The following BRWD3 variants were observed in gnomAD, a reference collection of about 807,000 sequenced individuals.
BRWD3 encodes the protein bromodomain and WD repeat domain containing 3.
BRWD3 carries 10 observed loss-of-function variants against 149.7 expected under a neutral mutation model. That is an observed-to-expected ratio of 0.07 (90% CI 0.04 to 0.11). The LOEUF is 0.11. Among genes scored for constraint, BRWD3 ranks in the 10% least tolerant of loss-of-function variants. The pLI is 1.00. For synonymous variants in BRWD3, 504 were observed against 456.7 expected (o/e 1.10, Z -1.32); for missense variants, 940 against 1,373.2 (o/e 0.68, Z 4.99).
At chrX:80,733,757 A>T (rs780363050) in intron 11 of BRWD3, among the ~76,000 whole-genome samples, 1 of 111,535 alleles carries the variant, frequency 9.0e-6, no homozygotes, top group South Asian at 3.8e-4. Flanking sequence ...TATGTCCTCC[A>T]TAATAAGACA....
chrX:80,738,089 C>A (rs1472909343), intron 8 of BRWD3, among the ~76,000 whole-genome samples: 2 of 112,231 alleles, frequency 1.8e-5, no homozygotes. Context: ...AGGAATTAGA[C>A]AATTAAATAT....
rs746022286 is a variant in BRWD3, at chrX:80,703,611, G to A, written c.2722-18C>T. The A allele has an allele frequency of 1.1e-4, 119 of 1,086,004 alleles. No homozygotes were observed. In the South Asian group the frequency reaches 1.9e-3, roughly 17 times the overall value. The allele number at this position is 1,086,004 out of a possible 1,213,427, so 89.5% of individuals were successfully genotyped here. A position where few individuals can be genotyped will look rare whatever the true frequency, so the allele number is the denominator to read the frequency against. On this transcript the variant is annotated intron_variant, in intron 23 of 40. Transcript: ENST00000373275. ...CCTCCTTTCTAAAACATAAATACAC[G>A]AAAAGTATATGTATAAAACACAGTT...
chrX:80,712,854 G>A (rs2073004182), intron 20 of BRWD3, among the ~76,000 whole-genome samples: 2 of 106,636 alleles, frequency 1.9e-5, no homozygotes, highest in African/African-American at 3.4e-5. Context: ...TCTGAGAAGT[G>A]AGGAGACCCT....
intron 6 of BRWD3, among the ~76,000 whole-genome samples, chrX:80,759,316 A>G (rs1053489223): frequency 1.8e-5 from 2 of 111,917 alleles, no homozygotes; most frequent in Non-Finnish European, 3.8e-5. Flanking sequence ...TCTAGAATCT[A>G]TTCTTTTTTC....
chrX:80,730,846 C>A (rs1428985901), intron 12 of BRWD3, among the ~76,000 whole-genome samples: 1 of 112,004 alleles, frequency 8.9e-6, no homozygotes, highest in Non-Finnish European at 1.9e-5. Context: ...CCTAGCTTAA[C>A]TGTATTTCGT....
At position 80,793,673 on chromosome X, in the gene BRWD3, C is replaced by G; in HGVS notation, c.280G>C (p.Val94Leu). The change falls in exon 5 of 41, where the codon GTA (valine) becomes CTA (leucine). Residue 94 changes from valine (V) to leucine (L), a missense_variant. Coordinates refer to ENST00000373275, the MANE Select transcript of BRWD3 (RefSeq NM_153252.5). ...CGACCAACACCTAATAATGTCTGTA[C>G]CCCAGGAACACTCTGAGGGATCTCT... Reference protein sequence around the residue: ...DKEIPQSVPGVQTLLGVGRQS... With the variant: ...DKEIPQSVPGLQTLLGVGRQS... The G allele has an allele frequency of 8.3e-7, 1 of 1,209,600 alleles. No individual in the cohort carries two copies. The highest frequency in any genetic ancestry group is 1.1e-6 in the Non-Finnish European group (1 of 893,856).
At chrX:80,753,234 C>G (rs1397546030) in intron 6 of BRWD3, among the ~76,000 whole-genome samples, 1 of 107,693 alleles carries the variant, frequency 9.3e-6, no homozygotes, top group African/African-American at 3.4e-5. Flanking sequence ...CAGTAAGTCC[C>G]ATTTGTCTAT....
At chrX:80,758,874 T>A (rs1191016858) in intron 6 of BRWD3, among the ~76,000 whole-genome samples, 1 of 112,222 alleles carries the variant, frequency 8.9e-6, no homozygotes. Context: ...ACCTTAAGTT[T>A]TCTTTTGACA....
At chrX:80,793,018 T>C (rs1379000344) in intron 5 of BRWD3, among the ~76,000 whole-genome samples, 1 of 107,707 alleles carries the variant, frequency 9.3e-6, no homozygotes, top group Non-Finnish European at 1.9e-5. Flanking sequence ...AAAAATTAGC[T>C]GGGCGAGGTG....
At position 80,769,789 on chromosome X, in the gene BRWD3, A is replaced by C. The variant is rs181218968; in HGVS notation, c.430+22065T>G. On this transcript the variant is annotated intron_variant, in intron 6 of 40. Coordinates refer to ENST00000373275, the MANE Select transcript of BRWD3 (RefSeq NM_153252.5). ...AGAGAGAGAAAAAAACCTTCAAAAA[A>C]AAAAAATCAATGAATCCAGGAGCTG... is the stretch of plus-strand genomic sequence containing the variant. 7.0e-3 allele frequency among the ~76,000 whole-genome samples: 775 copies of C among 110,651 alleles called. 4 individuals are homozygous for C. Among genetic ancestry groups the C allele is most frequent in the Non-Finnish European group, 0.01 (533 of 52,754 alleles).
intron 6 of BRWD3, among the ~76,000 whole-genome samples, chrX:80,789,926 C>A (rs937239325): frequency 2.8e-5 from 3 of 106,923 alleles, no homozygotes; most frequent in Non-Finnish European, 5.8e-5. Context: ...CACCCATAAT[C>A]CCAGCACTCT....
At chrX:80,756,814 T>A (rs1196624081) in intron 6 of BRWD3, among the ~76,000 whole-genome samples, 1 of 111,628 alleles carries the variant, frequency 9.0e-6, no homozygotes, top group Non-Finnish European at 1.9e-5. Context: ...AAAGTAACAG[T>A]TTAAAAAATG....
chrX:80,791,992 T>TA, intron 5 of BRWD3, 40 bp from the exon 6 acceptor site: 4 of 784,742 alleles, frequency 5.1e-6, no homozygotes, highest in Non-Finnish European at 5.5e-6. Context: ...AATAGAGCAG[T>TA]TTTTTTTTTA....
At chrX:80,739,489 C>T (rs2073452683) in intron 8 of BRWD3, among the ~76,000 whole-genome samples, 2 of 111,174 alleles carry the variant, frequency 1.8e-5, no homozygotes, top group Admixed American at 1.9e-4. Context: ...AATTCAAAAC[C>T]ATGAGATGAC....
chrX:80,691,047 A>G lies in BRWD3; in HGVS notation c.3602+6T>C. 1.7e-6 allele frequency: 2 copies of G among 1,207,997 alleles called. No homozygotes were observed. Among genetic ancestry groups the G allele is most frequent in the South Asian group, 1.8e-5 (1 of 56,192 alleles). On this transcript the variant is annotated splice_donor_region_variant and intron_variant, in intron 31 of 40. Coordinates refer to ENST00000373275, the MANE Select transcript of BRWD3 (RefSeq NM_153252.5). ...TTTTATAATAAGTGATTAAAAAAAAACAGACCTGTAAAAGCGATTTTCAAG... is the reference window on the plus strand; with the variant it reads ...TTTTATAATAAGTGATTAAAAAAAAGCAGACCTGTAAAAGCGATTTTCAAG...
chrX:80,744,451 G>C (rs751596950), intron 7 of BRWD3, among the ~76,000 whole-genome samples, 198 bp from the exon 8 acceptor site: 59 of 112,403 alleles, frequency 5.2e-4, no homozygotes, highest in South Asian at 2.9e-3. Context: ...ATTGTCCAAA[G>C]TGACAATGGC....
intron 6 of BRWD3, among the ~76,000 whole-genome samples, chrX:80,785,940 G>T (rs1309141472): frequency 8.9e-6 from 1 of 111,926 alleles, no homozygotes; most frequent in Non-Finnish European, 1.9e-5. Context: ...TGACGCAGGA[G>T]AATCACTTGA....
chrX:80,695,227 C>T (rs755132116), intron 27 of BRWD3, among the ~76,000 whole-genome samples: 1 of 111,658 alleles, frequency 9.0e-6, no homozygotes, highest in Non-Finnish European at 1.9e-5. Context: ...CCTCCCGAGC[C>T]ATGTGGAAAT....
intron 22 of BRWD3, among the ~76,000 whole-genome samples, chrX:80,706,894 G>A (rs149617660): frequency 1.6e-3 from 185 of 112,294 alleles, no homozygotes; most frequent in Middle Eastern, 4.7e-3. Context: ...TGAAGAAACC[G>A]TAATAATATA....
Sources: allele counts gnomAD v4.1 joint callset (sites outside exome capture counted in the v4.1 genomes callset), GRCh38; gene constraint gnomAD v4.1.1; transcripts MANE v1.5; gene names NCBI Gene and HGNC (gene_info 2026-07-23, HGNC 2026-07-21).